GNA12: variants seen among roughly 807,000 people sequenced by gnomAD.
GNA12 encodes the protein guanine nucleotide-binding protein subunit alpha-12.
Under a neutral mutation model 26.0 loss-of-function variants are expected in GNA12, and 9 were observed. The observed-to-expected ratio is 0.35, with a 90% confidence interval of 0.21 to 0.60. GNA12 has a LOEUF of 0.60. Ranked by LOEUF, GNA12 falls within the 20% of genes least tolerant of loss-of-function variation. The pLI is 0.78. For synonymous variants in GNA12, 264 were observed against 219.6 expected (o/e 1.20, Z -1.79); for missense variants, 405 against 525.8 (o/e 0.77, Z 2.25).
chr7:2,755,334 T>A (rs1472554437), intron 2 of GNA12, among the ~76,000 whole-genome samples: 2 of 152,248 alleles, frequency 1.3e-5, no homozygotes, highest in Non-Finnish European at 2.9e-5. Context: ...CAAATCTGTG[T>A]ATCAATCAGG....
At chr7:2,741,065 C>T (rs1430803348) in intron 2 of GNA12, among the ~76,000 whole-genome samples, 2 of 151,800 alleles carry the variant, frequency 1.3e-5, no homozygotes, top group African/African-American at 2.4e-5. Flanking sequence ...AACAAACAAA[C>T]AAACAAATAA....
At chr7:2,759,689 T>G (rs1433739983) in intron 2 of GNA12, among the ~76,000 whole-genome samples, 1 of 152,228 alleles carries the variant, frequency 6.6e-6, no homozygotes, top group Non-Finnish European at 1.5e-5. Flanking sequence ...TCAGACCCTC[T>G]TCTGTAGTCA....
At chr7:2,829,973 G>A (rs1229573638) in intron 1 of GNA12, among the ~76,000 whole-genome samples, 1 of 152,204 alleles carries the variant, frequency 6.6e-6, no homozygotes, top group Non-Finnish European at 1.5e-5. Flanking sequence ...CTGCTAGCTA[G>A]TAAGTGTCCC....
chr7:2,833,172 C>G (rs1265974399), intron 1 of GNA12, among the ~76,000 whole-genome samples: 1 of 152,200 alleles, frequency 6.6e-6, no homozygotes, highest in Non-Finnish European at 1.5e-5. Flanking sequence ...TACAAACAAA[C>G]CATAATAGTT....
At chr7:2,834,648 A>G (rs1374190433) in intron 1 of GNA12, among the ~76,000 whole-genome samples, 1 of 152,216 alleles carries the variant, frequency 6.6e-6, no homozygotes, top group Non-Finnish European at 1.5e-5. Context: ...CGCACTGCAT[A>G]ATGATGTTTT....
At chr7:2,834,340 C>T (rs920302210) in intron 1 of GNA12, among the ~76,000 whole-genome samples, 2 of 152,188 alleles carry the variant, frequency 1.3e-5, no homozygotes, top group Admixed American at 1.3e-4. Flanking sequence ...TTTTTAGATA[C>T]CTCAGCCAGA....
In GNA12 at chr7:2,786,217, C is replaced by G. The variant is rs527422446; in HGVS notation, c.525+8711G>C. Among the ~76,000 whole-genome samples the G allele has an allele frequency of 3.9e-5, 6 of 152,288 alleles. No homozygotes were observed. The East Asian group carries it at 1.2e-3, about 29-fold the overall frequency. On this transcript the variant is annotated intron_variant, in intron 2 of 3. Coordinates refer to ENST00000275364, the MANE Select transcript of GNA12 (RefSeq NM_007353.3). ...CCAGTCTCCTGGTTTTCATCCCGTG[C>G]TATAATCCTGTAAGATGTCATCATT...
intron 1 of GNA12, among the ~76,000 whole-genome samples, 169 bp downstream of exon 1, chr7:2,843,681 CCAG>C (rs1779072520): frequency 6.7e-6 from 1 of 149,922 alleles, no homozygotes; most frequent in Non-Finnish European, 1.5e-5. Context: ...AGAGACGACG[CCAG>C]CAGGCCTCGG....
chr7:2,822,208 A>T (rs915059485), intron 1 of GNA12, among the ~76,000 whole-genome samples: 1 of 152,144 alleles, frequency 6.6e-6, no homozygotes, highest in Non-Finnish European at 1.5e-5. Context: ...GCCTCCTCCG[A>T]GATGTTGTTC....
chr7:2,755,848 T>C (rs1791268316), intron 2 of GNA12, among the ~76,000 whole-genome samples: 1 of 152,252 alleles, frequency 6.6e-6, no homozygotes, highest in South Asian at 2.1e-4. Flanking sequence ...TGGAGAGTTA[T>C]GTCATATTCA....
chr7:2,773,506 G>A (rs1184613836), intron 2 of GNA12, among the ~76,000 whole-genome samples: 1 of 152,196 alleles, frequency 6.6e-6, no homozygotes, highest in Non-Finnish European at 1.5e-5. Flanking sequence ...AGGCTGCAGT[G>A]AGCCAAAATC....
chr7:2,738,474 G>GGAATCGGTACCCAAAGGATAC (rs1258526767), intron 2 of GNA12, among the ~76,000 whole-genome samples: 1 of 152,162 alleles, frequency 6.6e-6, no homozygotes, highest in Non-Finnish European at 1.5e-5. Flanking sequence ...GATACCCACT[G>GGAATCGGTACCCAAAGGATAC]CCAAAGGAAA....
intron 2 of GNA12, among the ~76,000 whole-genome samples, chr7:2,737,660 G>A (rs921547426): frequency 8.5e-5 from 13 of 152,260 alleles, no homozygotes; most frequent in African/African-American, 2.2e-4. Context: ...CACTGTGACC[G>A]AAAACAGGGC....
intron 2 of GNA12, among the ~76,000 whole-genome samples, chr7:2,744,023 A>G (rs1198406860): frequency 6.6e-6 from 1 of 152,214 alleles, no homozygotes; most frequent in Non-Finnish European, 1.5e-5. Flanking sequence ...GCAGCCGGGA[A>G]GCTCAAACTG....
chr7:2,831,476 T>C (rs1778654359), intron 1 of GNA12, among the ~76,000 whole-genome samples: 1 of 149,966 alleles, frequency 6.7e-6, no homozygotes, highest in African/African-American at 2.5e-5. Context: ...CGATCTCTGC[T>C]CACTGCAAAC....
chr7:2,815,236 T>C, intron 1 of GNA12: 1 of 327,308 alleles, frequency 3.1e-6, no homozygotes, highest in Non-Finnish European at 5.8e-6. Context: ...TCAGCGGACC[T>C]ACAGTCAAGG....
At chr7:2,835,701 A>G in intron 1 of GNA12, 1 of 1,012,988 alleles carries the variant, frequency 9.9e-7, no homozygotes, top group East Asian at 2.5e-5. Context: ...ACAAATTTGC[A>G]TGGAATACAA....
intron 2 of GNA12, among the ~76,000 whole-genome samples, chr7:2,768,968 C>T (rs979345424): frequency 2.0e-4 from 31 of 152,164 alleles, no homozygotes; most frequent in African/African-American, 7.2e-4. Flanking sequence ...CTCCGTTGTC[C>T]GGGCTGATCT....
At chr7:2,843,520 G>A (rs575683334) in intron 1 of GNA12, among the ~76,000 whole-genome samples, 19 of 152,054 alleles carry the variant, frequency 1.2e-4, no homozygotes, top group Admixed American at 3.3e-4. Context: ...GGTGGTGCGC[G>A]CCTGTAATCC....
Sources: allele counts gnomAD v4.1 joint callset (sites outside exome capture counted in the v4.1 genomes callset), GRCh38; gene constraint gnomAD v4.1.1; transcripts MANE v1.5; gene names NCBI Gene and HGNC (gene_info 2026-07-23, HGNC 2026-07-21).